Variants in TTC28 observed in about 807,000 individuals in gnomAD.
TTC28 encodes tetratricopeptide repeat protein 28.
In TTC28, 61 loss-of-function variants were observed where a neutral mutation model predicts 198.0. The observed-to-expected ratio is 0.31, with a 90% CI of 0.25 to 0.38. TTC28 has a LOEUF of 0.38. TTC28 is among the 10% of genes least tolerant of loss of function. The pLI is 1.00. For missense variants in TTC28, 2,678 were observed against 3,164.0 expected (o/e 0.85, Z 3.69); for synonymous variants, 1,171 against 1,297.8 (o/e 0.90, Z 2.10).
At chr22:28,392,036 C>T (rs1398029629) in intron 2 of TTC28, among the ~76,000 whole-genome samples, 1 of 152,136 alleles carries the variant, frequency 6.6e-6, no homozygotes, top group African/African-American at 2.4e-5. Flanking sequence ...GATGTCCTTT[C>T]TGTTTGTTAG....
intron 2 of TTC28, among the ~76,000 whole-genome samples, chr22:28,381,149 G>A (rs79250996): frequency 2.7e-5 from 4 of 147,446 alleles, no homozygotes; most frequent in Non-Finnish European, 1.5e-5. Context: ...AAAAAAAAAA[G>A]AAAAGAAAAA....
At chr22:28,428,931 C>T (rs947350825) in intron 2 of TTC28, among the ~76,000 whole-genome samples, 8 of 152,064 alleles carry the variant, frequency 5.3e-5, no homozygotes, top group East Asian at 1.9e-4. Flanking sequence ...TGAGCCACCG[C>T]GCCCAGCCCA....
intron 3 of TTC28, among the ~76,000 whole-genome samples, chr22:28,299,775 C>T (rs79355638): frequency 6.6e-6 from 1 of 152,084 alleles, no homozygotes; most frequent in African/African-American, 2.4e-5. Context: ...TGACTTATCC[C>T]AAGTTGGAAA....
intron 2 of TTC28, among the ~76,000 whole-genome samples, chr22:28,363,736 G>A (rs562725949): frequency 6.6e-6 from 1 of 152,348 alleles, no homozygotes; most frequent in South Asian, 2.1e-4. Context: ...TGACCTGGAT[G>A]TGAGACATGG....
chr22:28,426,853 G>C (rs983511797), intron 2 of TTC28, among the ~76,000 whole-genome samples: 10 of 152,108 alleles, frequency 6.6e-5, no homozygotes, highest in African/African-American at 2.4e-4. Flanking sequence ...TCAATACCTA[G>C]AGATATTCTA....
intron 5 of TTC28, among the ~76,000 whole-genome samples, chr22:28,241,164 T>A (rs867469752): frequency 6.6e-6 from 1 of 152,148 alleles, no homozygotes; most frequent in African/African-American, 2.4e-5. Flanking sequence ...AGCACCCCAA[T>A]ACCATGCGTC....
chr22:28,432,177 T>C (rs546328898), intron 2 of TTC28, among the ~76,000 whole-genome samples: 48 of 151,556 alleles, frequency 3.2e-4, no homozygotes, highest in African/African-American at 1.1e-3. Flanking sequence ...TCCCAGCTAC[T>C]CGGGAGGCTG....
At chr22:27,993,189 G>A (rs1937477935) in intron 18 of TTC28, 98 bp downstream of exon 18, 1 of 1,127,166 alleles carries the variant, frequency 8.9e-7, no homozygotes, top group South Asian at 1.6e-5. Flanking sequence ...TCCTAGCTGG[G>A]AGATCCAGCA....
At chr22:28,196,496 C>G (rs1038349042) in intron 5 of TTC28, among the ~76,000 whole-genome samples, 2 of 152,090 alleles carry the variant, frequency 1.3e-5, no homozygotes, top group African/African-American at 4.8e-5. Flanking sequence ...TCAGAGTGAA[C>G]AGGCACCCTA....
At chr22:28,140,934 A>AGAGGAGGAGGAG (rs57274885) in intron 6 of TTC28, among the ~76,000 whole-genome samples, 5 of 150,916 alleles carry the variant, frequency 3.3e-5, no homozygotes, top group Admixed American at 6.6e-5. Flanking sequence ...ATGCAAAGGA[A>AGAGGAGGAGGAG]GAGGAGGAGG....
rs908114229 is a variant in TTC28, at chr22:27,985,380, A to T, written c.5708-24T>A. 5.3e-6 allele frequency: 8 copies of T among 1,523,802 alleles called. No individual in the cohort carries two copies. In the African/African-American group the frequency reaches 9.7e-5, roughly 18 times the overall value. 94.4% of individuals were successfully genotyped at this position (1,523,802 alleles called of 1,614,324 possible). A position where few individuals can be genotyped will look rare whatever the true frequency, so the allele number is the denominator to read the frequency against. Reference sequence around the variant, plus strand: ...ACCTAGAGGAACAAAGAATATAAGCATCTGCTTCCTTCGGGAAGATTCCAG... The same window carrying T: ...ACCTAGAGGAACAAAGAATATAAGCTTCTGCTTCCTTCGGGAAGATTCCAG... On this transcript the variant is annotated intron_variant, in intron 21 of 22. Coordinates refer to ENST00000397906, the MANE Select transcript of TTC28 (RefSeq NM_001145418.2).
chr22:28,422,858 T>G (rs1180711605), intron 2 of TTC28, among the ~76,000 whole-genome samples: 1 of 152,196 alleles, frequency 6.6e-6, no homozygotes, highest in Non-Finnish European at 1.5e-5. Context: ...TAAAAATTAA[T>G]GATATATTTT....
At chr22:28,042,626 A>C (rs1939694947) in intron 12 of TTC28, among the ~76,000 whole-genome samples, 1 of 152,106 alleles carries the variant, frequency 6.6e-6, no homozygotes, top group Non-Finnish European at 1.5e-5. Flanking sequence ...GAAATACCTA[A>C]TGTAAATGAT....
chr22:28,058,731 T>C (rs541541371), intron 12 of TTC28, among the ~76,000 whole-genome samples: 1 of 152,074 alleles, frequency 6.6e-6, no homozygotes, highest in Non-Finnish European at 1.5e-5. Context: ...ATTAGTGAAA[T>C]CATCTAAACT....
chr22:28,454,767 G>A (rs1379093857), intron 2 of TTC28, among the ~76,000 whole-genome samples: 1 of 152,030 alleles, frequency 6.6e-6, no homozygotes, highest in Non-Finnish European at 1.5e-5. Context: ...TTTAGATGAA[G>A]TACAAATCAC....
At chr22:28,580,427 A>T (rs1452702182) in intron 2 of TTC28, among the ~76,000 whole-genome samples, 2 of 152,178 alleles carry the variant, frequency 1.3e-5, no homozygotes, top group Non-Finnish European at 2.9e-5. Flanking sequence ...AAATAGAGGC[A>T]GGGTCTCACT....
intron 2 of TTC28, among the ~76,000 whole-genome samples, chr22:28,628,705 C>T (rs1391270387): frequency 2.6e-5 from 4 of 152,180 alleles, no homozygotes; most frequent in South Asian, 2.1e-4. Flanking sequence ...TTCGGGAGAC[C>T]GAGGCAGGCA....
In TTC28 at chr22:28,107,213, G is replaced by A. The variant is rs575981061; in HGVS notation, c.2632C>T (p.Arg878Trp). The change falls in exon 7 of 23, where the codon CGG becomes TGG. Residue 878 changes from arginine (R) to tryptophan (W), a missense_variant. Transcript: ENST00000397906. Reference sequence around the variant, plus strand: ...CAATCCCCCAGGTTGCCATAGGCCCGGCCCCTGTCGAGCACAGACTCATTT... The same window carrying A: ...CAATCCCCCAGGTTGCCATAGGCCCAGCCCCTGTCGAGCACAGACTCATTT... ...SGNESVLDRG[R>W]AYGNLGDCYE... The A allele has an allele frequency of 1.5e-4, 238 of 1,551,618 alleles. 1 individual carries two copies. Among genetic ancestry groups the A allele is most frequent in the South Asian group, 1.5e-3 (122 of 84,058 alleles).
At chr22:28,200,499 GAGTGAGAGAT>G (rs1161465994) in intron 5 of TTC28, among the ~76,000 whole-genome samples, 1 of 152,062 alleles carries the variant, frequency 6.6e-6, no homozygotes, top group Non-Finnish European at 1.5e-5. Flanking sequence ...GGACCAAATG[GAGTGAGAGAT>G]AGTGTTGGTA....
Sources: gnomAD v4.1 joint callset for allele counts (sites outside exome capture counted in the v4.1 genomes callset) on GRCh38, gnomAD v4.1.1 for gene constraint, MANE v1.5 for transcripts, NCBI Gene and HGNC (gene_info 2026-07-23, HGNC 2026-07-21) for gene names.